The following LIMCH1 variants were observed in gnomAD, a reference collection of about 807,000 sequenced individuals.
LIMCH1 encodes the protein LIM and calponin homology domains 1.
Under a neutral mutation model 176.5 loss-of-function variants are expected in LIMCH1, and 113 were observed. The ratio of observed to expected loss-of-function variants is 0.64; its 90% CI spans 0.55 to 0.75. The LOEUF (loss-of-function observed/expected upper bound fraction) is 0.75. LIMCH1 is among the 30% of genes least tolerant of loss of function. The pLI, the probability that LIMCH1 is intolerant of heterozygous loss-of-function variation, is 0.00. For missense variants in LIMCH1, 1,674 were observed against 1,814.9 expected, an observed-to-expected ratio of 0.92 and a Z score of 1.41; for synonymous variants, 619 against 645.9, an observed-to-expected ratio of 0.96 and a Z score of 0.63.
chr4:41,479,531 C>T (rs1189544726), intron 1 of LIMCH1, among the ~76,000 whole-genome samples: 2 of 152,176 alleles, frequency 1.3e-5, no homozygotes, highest in South Asian at 2.1e-4. Context: ...GGATTACAGG[C>T]GTGAGCCACC....
chr4:41,592,630 C>T (rs2087843997), intron 1 of LIMCH1, among the ~76,000 whole-genome samples: 1 of 152,096 alleles, frequency 6.6e-6, no homozygotes, highest in African/African-American at 2.4e-5. Context: ...ACAATGAGTG[C>T]CCAGAAGGTG....
chr4:41,617,095 G>T (rs573984203), intron 5 of LIMCH1, among the ~76,000 whole-genome samples: 6 of 151,894 alleles, frequency 4.0e-5, no homozygotes, highest in Admixed American at 3.9e-4. Flanking sequence ...ATCTATATAT[G>T]TGTGTGTATA....
chr4:41,678,224 C>T (rs1455520127), intron 23 of LIMCH1, among the ~76,000 whole-genome samples: 4 of 144,116 alleles, frequency 2.8e-5, no homozygotes, highest in Admixed American at 2.0e-4. Flanking sequence ...ATTTTACTTA[C>T]TTTTTCTTTT....
At chr4:41,412,645 C>G (rs1042297552) in intron 1 of LIMCH1, among the ~76,000 whole-genome samples, 3 of 152,112 alleles carry the variant, frequency 2.0e-5, no homozygotes, top group East Asian at 1.9e-4. Flanking sequence ...CTAATACCAT[C>G]ATGTGTTAGA....
chr4:41,464,313 C>T (rs147503281), intron 1 of LIMCH1, among the ~76,000 whole-genome samples: 20 of 151,736 alleles, frequency 1.3e-4, no homozygotes, highest in African/African-American at 4.8e-4. Context: ...TCCTTACCTC[C>T]TACTCATTCT....
rs554735441 is a variant in LIMCH1 at position 41,679,529 on chromosome 4, C to A, written c.3520-477C>A. Among the ~76,000 whole-genome samples the A allele has an allele frequency of 5.3e-5, 8 of 152,312 alleles. No individual in the cohort carries two copies. In the East Asian group the frequency reaches 1.5e-3, roughly 29 times the overall value. On this transcript the variant is annotated intron_variant, in intron 23 of 31. Transcript: ENST00000503057. ...GAATAGTCACAAGCAAAGAGTAATT[C>A]AGCTATTCAGCTAATTATCATCTTG...
At chr4:41,586,705 A>T (rs1311300560) in intron 1 of LIMCH1, among the ~76,000 whole-genome samples, 7 of 152,226 alleles carry the variant, frequency 4.6e-5, no homozygotes, top group Non-Finnish European at 1.0e-4. Flanking sequence ...CCTGGGGAAT[A>T]GTTCAGTAAT....
chr4:41,556,302 G>T (rs1441857553), intron 1 of LIMCH1, among the ~76,000 whole-genome samples: 1 of 150,680 alleles, frequency 6.6e-6, no homozygotes, highest in Non-Finnish European at 1.5e-5. Flanking sequence ...GGCTGAGGTA[G>T]GAGAATTGCT....
intron 1 of LIMCH1, among the ~76,000 whole-genome samples, chr4:41,375,066 A>G (rs1392128707): frequency 6.6e-6 from 1 of 152,344 alleles, no homozygotes; most frequent in East Asian, 1.9e-4. Context: ...TACTTTTAGT[A>G]GAAGAATGGG....
chr4:41,531,673 C>G (rs1046105525), intron 3 of LIMCH1, among the ~76,000 whole-genome samples: 1 of 152,158 alleles, frequency 6.6e-6, no homozygotes, highest in African/African-American at 2.4e-5. Flanking sequence ...ATCAATCCAG[C>G]TAGACTCGGC....
In LIMCH1 at chr4:41,698,344, A is replaced by G. The variant is rs1061562; in HGVS notation, c.*1159A>G. 33,142 of 152,098 alleles carry G rather than the reference A, an allele frequency of 0.22. 3,797 individuals carry two copies. The highest frequency in any genetic ancestry group is 0.34 in the Middle Eastern group (99 of 294). 9.4% of individuals were successfully genotyped at this position (152,098 alleles called of 1,614,324 possible). On this transcript the variant is annotated 3_prime_UTR_variant, in exon 32 of 32. Transcript: ENST00000503057. ...TCCATTCTCCATCACTTTTTTTGCT[A>G]TCAAGAACTCCGGACCTTGCCCATG...
rs1441040241 is a variant in LIMCH1 at position 41,360,805 on chromosome 4, T to A, written c.-36T>A. ...GCGGCGGCGACGGCGGCGGCCGTCC[T>A]CATCCCGGCGCTTGAGAGGACGCGG... On this transcript the variant is annotated 5_prime_UTR_variant, in exon 1 of 27. Transcript: ENST00000313860. The surrounding 1 kb of genome is among the most constrained non-coding windows in gnomAD (Gnocchi z 4.5). The A allele has an allele frequency of 2.7e-6, 4 of 1,488,168 alleles. No homozygotes were observed. In the African/African-American group the frequency reaches 4.4e-5, roughly 16 times the overall value. 92.2% of individuals were successfully genotyped at this position (1,488,168 alleles called of 1,614,324 possible).
chr4:41,560,632 T>A (rs902462963), intron 1 of LIMCH1, among the ~76,000 whole-genome samples: 1 of 152,218 alleles, frequency 6.6e-6, no homozygotes, highest in Non-Finnish European at 1.5e-5. Context: ...ACGCCTATAA[T>A]CCCAGCACTT....
At chr4:41,534,781 G>A (rs898096680), upstream of LIMCH1, among the ~76,000 whole-genome samples, 2 of 151,972 alleles carry the variant, frequency 1.3e-5, no homozygotes, top group Admixed American at 6.6e-5. Flanking sequence ...GATCCACATT[G>A]GCAGGGACTG....
chr4:41,643,059 CAGTTT>C (rs989537948), intron 14 of LIMCH1, among the ~76,000 whole-genome samples: 18 of 152,204 alleles, frequency 1.2e-4, no homozygotes, highest in African/African-American at 3.9e-4. Context: ...TACAGTTTTT[CAGTTT>C]AGTTCTCTTA....
At chr4:41,661,351 C>A in intron 18 of LIMCH1, 69 bp from the exon 19 acceptor site, 1 of 1,159,888 alleles carries the variant, frequency 8.6e-7, no homozygotes, top group South Asian at 1.3e-5. Flanking sequence ...AAAATTACTG[C>A]TTAAAAAATA....
intron 28 of LIMCH1, among the ~76,000 whole-genome samples, chr4:41,687,461 G>A (rs529822360): frequency 2.0e-5 from 3 of 152,152 alleles, no homozygotes; most frequent in East Asian, 1.9e-4. Flanking sequence ...CTTCCACGGA[G>A]TCCATCGTTT....
chr4:41,461,460 A>G (rs1447938563), intron 1 of LIMCH1, among the ~76,000 whole-genome samples: 1 of 152,246 alleles, frequency 6.6e-6, no homozygotes, highest in Non-Finnish European at 1.5e-5. Context: ...AAGAAGATAA[A>G]AAACATAAAA....
intron 1 of LIMCH1, among the ~76,000 whole-genome samples, chr4:41,556,709 G>A (rs2152536327): frequency 1.3e-5 from 2 of 152,228 alleles, no homozygotes; most frequent in South Asian, 4.1e-4. Flanking sequence ...TTGAATTCCT[G>A]GAAGCCTGAG....
Sources: allele counts gnomAD v4.1 joint callset (sites outside exome capture counted in the v4.1 genomes callset), GRCh38; gene constraint gnomAD v4.1.1; non-coding constraint Gnocchi (gnomAD v3.1); transcripts MANE v1.5; gene names NCBI Gene and HGNC (gene_info 2026-07-23, HGNC 2026-07-21).